CHN2: variants seen among roughly 807,000 people sequenced by gnomAD.
CHN2 encodes the protein chimerin 2, also known as beta-chimaerin.
In CHN2, 35 loss-of-function variants were observed where a neutral mutation model predicts 56.3. The observed-to-expected ratio is 0.62, with a 90% CI of 0.47 to 0.82. CHN2 has a LOEUF of 0.82. Among genes scored for constraint, CHN2 ranks in the 40% least tolerant of loss-of-function variants. CHN2 has a pLI of 0.00. For missense variants in CHN2, 491 were observed against 580.5 expected (o/e 0.85, Z 1.58); for synonymous variants, 210 against 212.8 (o/e 0.99, Z 0.12).
chr7:29,483,490 G>C (rs1787588304), intron 7 of CHN2, among the ~76,000 whole-genome samples: 2 of 152,152 alleles, frequency 1.3e-5, no homozygotes, highest in South Asian at 4.1e-4. Flanking sequence ...TGCAATCTTT[G>C]CTTATTTAAA....
intron 2 of CHN2, among the ~76,000 whole-genome samples, chr7:29,178,607 A>T (rs532133770): frequency 6.6e-5 from 10 of 151,994 alleles, no homozygotes; most frequent in Middle Eastern, 3.4e-3. Context: ...TTATCTTTTT[A>T]AAAAAAGCAG....
At chr7:29,495,892 G>A in intron 7 of CHN2, 60 bp from the exon 8 acceptor site, 1 of 1,430,086 alleles carries the variant, frequency 7.0e-7, no homozygotes, top group Non-Finnish European at 9.8e-7. Flanking sequence ...ACATGTCTGA[G>A]GCTACCTGCC....
intron 1 of CHN2, among the ~76,000 whole-genome samples, chr7:29,324,732 C>G (rs1308167681): frequency 6.6e-6 from 1 of 152,038 alleles, no homozygotes; most frequent in Non-Finnish European, 1.5e-5. Context: ...ATATTAACCA[C>G]CCCCTGCAGG....
intron 6 of CHN2, among the ~76,000 whole-genome samples, chr7:29,456,422 A>G (rs1784753048): frequency 6.6e-6 from 1 of 151,918 alleles, no homozygotes; most frequent in Non-Finnish European, 1.5e-5. Context: ...AGAAAGAGAG[A>G]GGGGGACAGA....
At chr7:29,480,163 G>A (rs774849898) in intron 6 of CHN2, 116 bp from the exon 7 acceptor site, 24 of 1,594,972 alleles carry the variant, frequency 1.5e-5, no homozygotes, top group South Asian at 1.2e-4. Context: ...GCTGTGGTTC[G>A]GAAGTCTAAG....
At chr7:29,473,955 T>A (rs987331768) in intron 6 of CHN2, among the ~76,000 whole-genome samples, 10 of 151,194 alleles carry the variant, frequency 6.6e-5, no homozygotes, top group Non-Finnish European at 1.3e-4. Flanking sequence ...AAGAACATAG[T>A]CATTGTAGGA....
At chr7:29,374,021 C>G (rs566836491) in intron 3 of CHN2, among the ~76,000 whole-genome samples, 1 of 152,304 alleles carries the variant, frequency 6.6e-6, no homozygotes, top group East Asian at 1.9e-4. Context: ...ATTCTACAAG[C>G]CACAAACAAA....
intron 2 of CHN2, among the ~76,000 whole-genome samples, chr7:29,173,110 G>T (rs1796821191): frequency 6.9e-6 from 1 of 145,960 alleles, no homozygotes; most frequent in Non-Finnish European, 1.5e-5. Context: ...CAGCCTGGGT[G>T]ACAGAGCAAG....
intron 6 of CHN2, among the ~76,000 whole-genome samples, chr7:29,413,850 C>T (rs1803471671): frequency 6.6e-6 from 1 of 152,192 alleles, no homozygotes; most frequent in African/African-American, 2.4e-5. Flanking sequence ...AATTATTTTC[C>T]TCTTCCCAAT....
At chr7:29,382,735 G>A (rs1021239961) in intron 3 of CHN2, among the ~76,000 whole-genome samples, 6 of 147,330 alleles carry the variant, frequency 4.1e-5, no homozygotes, top group African/African-American at 1.3e-4. Context: ...AGAGGCAGGA[G>A]ACTTCCCCAG....
At chr7:29,510,438 C>G (rs971700020) in intron 12 of CHN2, among the ~76,000 whole-genome samples, 1 of 152,098 alleles carries the variant, frequency 6.6e-6, no homozygotes, top group African/African-American at 2.4e-5. Context: ...GACGCTGTCT[C>G]AAGAACAAAA....
intron 1 of CHN2, among the ~76,000 whole-genome samples, chr7:29,231,177 T>C (rs1345698180): frequency 1.3e-5 from 2 of 152,216 alleles, no homozygotes; most frequent in African/African-American, 2.4e-5. Context: ...TACATCACTG[T>C]GTATCTGCTG....
At chr7:29,196,000 G>A (rs761663564) in intron 1 of CHN2, among the ~76,000 whole-genome samples, 1 of 152,102 alleles carries the variant, frequency 6.6e-6, no homozygotes, top group Non-Finnish European at 1.5e-5. Context: ...AGTATTTAAG[G>A]GTCAAGAAGG....
intron 1 of CHN2, among the ~76,000 whole-genome samples, chr7:29,346,065 G>A (rs1335637311): frequency 6.6e-6 from 1 of 152,144 alleles, no homozygotes; most frequent in East Asian, 1.9e-4. Context: ...TAATTTCTCA[G>A]GGGAGTGCAG....
intron 3 of CHN2, among the ~76,000 whole-genome samples, chr7:29,373,190 T>C (rs1439880396): frequency 6.6e-6 from 1 of 152,056 alleles, no homozygotes; most frequent in Non-Finnish European, 1.5e-5. Flanking sequence ...TTTTTTTTTT[T>C]CTGAGGTGGA....
At chr7:29,177,951 C>G (rs930845703) in intron 2 of CHN2, among the ~76,000 whole-genome samples, 1 of 152,136 alleles carries the variant, frequency 6.6e-6, no homozygotes, top group Non-Finnish European at 1.5e-5. Flanking sequence ...CACAAAGTTC[C>G]CCCTCCCCAA....
chr7:29,377,097 G>T (rs1332884460), intron 3 of CHN2, among the ~76,000 whole-genome samples: 1 of 152,086 alleles, frequency 6.6e-6, no homozygotes, highest in Non-Finnish European at 1.5e-5. Flanking sequence ...GCATGATCTC[G>T]GCTCACTGCA....
chr7:29,279,672 T>G (rs1048353082), intron 1 of CHN2, among the ~76,000 whole-genome samples: 3 of 151,980 alleles, frequency 2.0e-5, no homozygotes, highest in Non-Finnish European at 4.4e-5. Flanking sequence ...GGAAAGGCAT[T>G]TTTGGGTTAG....
chr7:29,402,398 T>G (rs1585274460), intron 6 of CHN2, among the ~76,000 whole-genome samples: 1 of 152,284 alleles, frequency 6.6e-6, no homozygotes, highest in African/African-American at 2.4e-5. Context: ...AATTGTGGGG[T>G]TTCTGACTGT....
Sources: gnomAD v4.1 joint callset for allele counts (sites outside exome capture counted in the v4.1 genomes callset) on GRCh38, gnomAD v4.1.1 for gene constraint, MANE v1.5 for transcripts, NCBI Gene and HGNC (gene_info 2026-07-23, HGNC 2026-07-21) for gene names.